The following ARSJ variants were observed in gnomAD, a reference collection of about 807,000 sequenced individuals.
The protein encoded by ARSJ is arylsulfatase family member J.
In ARSJ, 26 loss-of-function variants were observed where a neutral mutation model predicts 35.9. The ratio of observed to expected loss-of-function variants is 0.72; its 90% confidence interval spans 0.53 to 1.00. The LOEUF (loss-of-function observed/expected upper bound fraction) is 1.00, where lower values mean the gene tolerates loss of function less well. Among genes scored for constraint, ARSJ ranks in the 50% least tolerant of loss-of-function variants. The pLI, the probability that ARSJ is intolerant of heterozygous loss-of-function variation, is 0.00. For missense variants in ARSJ, 667 were observed against 723.6 expected (o/e 0.92, Z 0.90); for synonymous variants, 294 against 267.6 (o/e 1.10, Z -0.96).
intron 1 of ARSJ, among the ~76,000 whole-genome samples, chr4:113,913,181 T>A (rs1051187002): frequency 6.6e-6 from 1 of 152,118 alleles, no homozygotes; most frequent in Non-Finnish European, 1.5e-5. Context: ...TCAAGTAACT[T>A]TTAAAATTTC....
At chr4:113,910,505 C>T (rs1273724972) in intron 1 of ARSJ, among the ~76,000 whole-genome samples, 1 of 152,080 alleles carries the variant, frequency 6.6e-6, no homozygotes, top group Non-Finnish European at 1.5e-5. Flanking sequence ...CTGTAGTTTA[C>T]AAATCAAATA....
At chr4:113,931,286 C>T (rs973043307) in intron 1 of ARSJ, among the ~76,000 whole-genome samples, 2 of 151,970 alleles carry the variant, frequency 1.3e-5, no homozygotes, top group African/African-American at 4.8e-5. Context: ...AGAAGAAAAA[C>T]AAGAATAGAA....
intron 1 of ARSJ, among the ~76,000 whole-genome samples, chr4:113,948,225 A>G (rs1483930206): frequency 6.6e-6 from 1 of 152,056 alleles, no homozygotes; most frequent in East Asian, 1.9e-4. Flanking sequence ...TTATTATATT[A>G]GGAAGTAGTG....
rs767436054 is a variant in ARSJ, at chr4:113,978,419, A to G, written c.398+18T>C. The G allele has an allele frequency of 1.3e-6, 2 of 1,546,760 alleles. No individual in the cohort carries two copies. The highest frequency in any genetic ancestry group is 2.5e-5 in the South Asian group (2 of 80,404). The stretch of plus-strand genomic sequence containing the variant: ...AAGATTTCTCCAAGGAATAAATATA[A>G]GAAGTAGGAACACTTACTTTCCAGT... On this transcript the variant is annotated intron_variant, in intron 1 of 1. Transcript: ENST00000315366.
chr4:113,956,900 A>G (rs79897349), intron 1 of ARSJ, among the ~76,000 whole-genome samples: 19 of 152,136 alleles, frequency 1.2e-4, no homozygotes, highest in African/African-American at 4.3e-4. Flanking sequence ...CCAACAGCCT[A>G]TGCTTTTCAG....
intron 1 of ARSJ, among the ~76,000 whole-genome samples, chr4:113,969,104 T>C (rs1347353239): frequency 6.6e-6 from 1 of 152,172 alleles, no homozygotes; most frequent in Non-Finnish European, 1.5e-5. Context: ...TTACCCTATT[T>C]CCAATTTCTC....
intron 1 of ARSJ, among the ~76,000 whole-genome samples, chr4:113,958,970 C>T (rs1345183140): frequency 1.3e-5 from 2 of 152,002 alleles, no homozygotes; most frequent in Admixed American, 6.6e-5. Context: ...TTCTACTCTA[C>T]CAACCCTTTT....
At chr4:113,941,813 A>C (rs7678418) in intron 1 of ARSJ, among the ~76,000 whole-genome samples, 123,095 of 151,934 alleles carry the variant, frequency 0.81, 50,110 homozygotes, top group African/African-American at 0.89. Context: ...AACAAGAATG[A>C]TTAAAAATCT....
chr4:113,926,312 AT>A (rs1295686810), intron 1 of ARSJ, among the ~76,000 whole-genome samples: 1 of 152,096 alleles, frequency 6.6e-6, no homozygotes, highest in Non-Finnish European at 1.5e-5. Flanking sequence ...ACATCCAGCC[AT>A]TTCTCCTTCC....
intron 1 of ARSJ, among the ~76,000 whole-genome samples, chr4:113,948,982 A>G (rs1205830970): frequency 6.6e-6 from 1 of 152,170 alleles, no homozygotes; most frequent in South Asian, 2.1e-4. Flanking sequence ...AATGTGGCAC[A>G]TACGCACCAT....
In ARSJ at chr4:113,978,959, G is replaced by C. The variant is rs1234106622; in HGVS notation, c.-125C>G. On this transcript the variant is annotated 5_prime_UTR_variant, in exon 1 of 2. Transcript: ENST00000315366. The stretch of plus-strand genomic sequence containing the variant: ...GGCAAGAAATCCTCCTCTCCTCTCA[G>C]CTGTCACCATGTCCGACAACTTTAA... 2.9e-6 allele frequency: 3 copies of C among 1,026,852 alleles called. No individual in the cohort carries two copies. In the African/African-American group the frequency reaches 4.8e-5, roughly 17 times the overall value. The allele number at this position is 1,026,852 out of a possible 1,614,324, so 63.6% of individuals were successfully genotyped here.
chr4:113,975,530 GC>G lies in ARSJ; in HGVS notation c.398+2906del, dbSNP rs577716321. ...TTACTTTGAAATAAATCAAACACAG[GC>G]AGTCACTTTCCCAATCAACCTTTTA... On this transcript the variant is annotated intron_variant, in intron 1 of 1. Transcript: ENST00000315366. 1.8e-3 allele frequency among the ~76,000 whole-genome samples: 280 copies of G among 152,066 alleles called. 4 individuals are homozygous for G. Among genetic ancestry groups the G allele is most frequent in the Non-Finnish European group, 2.8e-3 (191 of 67,970 alleles).
At chr4:113,918,258 G>C (rs1274313973) in intron 1 of ARSJ, among the ~76,000 whole-genome samples, 1 of 152,014 alleles carries the variant, frequency 6.6e-6, no homozygotes, top group Admixed American at 6.6e-5. Context: ...AAGAAATCCA[G>C]CTATCTTCTA....
At chr4:113,940,805 A>AT (rs1303889798) in intron 1 of ARSJ, among the ~76,000 whole-genome samples, 6 of 151,594 alleles carry the variant, frequency 4.0e-5, no homozygotes, top group South Asian at 2.1e-4. Context: ...AAATAAGATA[A>AT]TTTTTTTTTC....
chr4:113,938,750 G>A (rs1356675307), intron 1 of ARSJ, among the ~76,000 whole-genome samples: 1 of 151,622 alleles, frequency 6.6e-6, no homozygotes, highest in Non-Finnish European at 1.5e-5. Flanking sequence ...CATTAAAAAT[G>A]GGGCAAAGTA....
At chr4:113,908,690 T>G (rs1453720584) in intron 1 of ARSJ, among the ~76,000 whole-genome samples, 2 of 152,202 alleles carry the variant, frequency 1.3e-5, no homozygotes, top group Non-Finnish European at 2.9e-5. Context: ...TCCCCTAATA[T>G]ATGCACGTTT....
chr4:113,910,685 C>T (rs1304300115), intron 1 of ARSJ, among the ~76,000 whole-genome samples: 2 of 152,040 alleles, frequency 1.3e-5, no homozygotes, highest in South Asian at 2.1e-4. Context: ...GAAAGTGGGG[C>T]GGGCTGTGGC....
chr4:113,930,049 C>G (rs569433439), intron 1 of ARSJ, among the ~76,000 whole-genome samples: 1 of 152,126 alleles, frequency 6.6e-6, no homozygotes, highest in South Asian at 2.1e-4. Context: ...AAGCAGCCAA[C>G]TCCAGAAACC....
chr4:113,978,988 TC>T lies in ARSJ; in HGVS notation c.-155del. The T allele has an allele frequency of 2.7e-6, 2 of 742,254 alleles. No individual in the cohort carries two copies. Among genetic ancestry groups the T allele is most frequent in the South Asian group, 4.1e-5 (2 of 48,548 alleles). The allele number at this position is 742,254 out of a possible 1,614,324, so 46.0% of individuals were successfully genotyped here. ...TCACCATGTCCGACAACTTTAATCT[TC>T]CAGAAGTGATGGCTTAATGGATGGG... On this transcript the variant is annotated 5_prime_UTR_variant, in exon 1 of 2. It removes the in-frame stop codon of an upstream open reading frame in the 5' UTR. Coordinates refer to ENST00000315366, the MANE Select transcript of ARSJ (RefSeq NM_024590.4).
Sources: allele counts gnomAD v4.1 joint callset (sites outside exome capture counted in the v4.1 genomes callset), GRCh38; gene constraint gnomAD v4.1.1; transcripts MANE v1.5; gene names NCBI Gene and HGNC (gene_info 2026-07-23, HGNC 2026-07-21).